RBFOX1: variants seen among roughly 807,000 people sequenced by gnomAD.
RBFOX1 encodes the protein RNA binding protein fox-1 homolog 1.
RBFOX1 carries 8 observed loss-of-function variants against 57.7 expected under a neutral mutation model. The ratio of observed to expected loss-of-function variants is 0.14; its 90% confidence interval spans 0.08 to 0.25. The LOEUF is 0.25. Among genes scored for constraint, RBFOX1 ranks in the 10% least tolerant of loss-of-function variants. The probability of loss-of-function intolerance (pLI) is 1.00; values close to 1 mark genes in which losing one functional copy is unlikely to be tolerated. For missense variants in RBFOX1, 611 were observed against 548.5 expected, an observed-to-expected ratio of 1.11 and a Z score of -1.14; for synonymous variants, 326 against 222.4, an observed-to-expected ratio of 1.47 and a Z score of -4.15.
At chr16:6,953,012 T>A (rs1325847663) in intron 3 of RBFOX1, among the ~76,000 whole-genome samples, 1 of 152,102 alleles carries the variant, frequency 6.6e-6, no homozygotes, top group East Asian at 1.9e-4. Context: ...ACTATACATC[T>A]TTACCTCACC....
At chr16:5,921,793 T>C (rs1001925765) in intron 4 of RBFOX1, among the ~76,000 whole-genome samples, 1 of 151,870 alleles carries the variant, frequency 6.6e-6, no homozygotes, top group Non-Finnish European at 1.5e-5. Flanking sequence ...GGAGAGCAGG[T>C]GCATGACATG....
At chr16:6,361,628 T>TTAAAAAAAAAAAAAAAAAAAAAAAA (rs1371587081) in intron 2 of RBFOX1, among the ~76,000 whole-genome samples, 2 of 127,952 alleles carry the variant, frequency 1.6e-5, no homozygotes, top group African/African-American at 5.8e-5. Context: ...ACTCTGTCTC[T>TTAAAAAAAAAAAAAAAAAAAAAAAA]AAAAAAAAAA....
At chr16:6,722,811 A>G (rs2066291628) in intron 3 of RBFOX1, among the ~76,000 whole-genome samples, 1 of 152,176 alleles carries the variant, frequency 6.6e-6, no homozygotes, top group South Asian at 2.1e-4. Flanking sequence ...CAGCGGCCAG[A>G]TGGGTACATT....
intron 3 of RBFOX1, among the ~76,000 whole-genome samples, chr16:5,681,199 G>A (rs1157769122): frequency 2.7e-5 from 4 of 150,920 alleles, no homozygotes; most frequent in East Asian, 2.0e-4. Flanking sequence ...TCAGCCTCCC[G>A]AGTAGCTGGG....
intron 4 of RBFOX1, among the ~76,000 whole-genome samples, chr16:7,298,285 G>GT (rs201092743): frequency 0.18 from 17,309 of 96,664 alleles, 1,969 homozygotes; most frequent in African/African-American, 0.27. Context: ...GTTTTTTTTT[G>GT]TTTTTTTTTT....
chr16:7,549,934 C>G (rs1289998021), intron 5 of RBFOX1, among the ~76,000 whole-genome samples: 1 of 151,520 alleles, frequency 6.6e-6, no homozygotes, highest in African/African-American at 2.4e-5. Flanking sequence ...TTTTCTTTTT[C>G]TTTTATTTTT....
intron 1 of RBFOX1, among the ~76,000 whole-genome samples, chr16:6,098,215 C>T (rs1346741150): frequency 1.3e-5 from 2 of 152,190 alleles, no homozygotes; most frequent in Admixed American, 6.5e-5. Context: ...GTGTGACAGG[C>T]ACTGGTACCT....
intron 4 of RBFOX1, among the ~76,000 whole-genome samples, chr16:7,156,208 C>G (rs761745578): frequency 6.7e-6 from 1 of 150,090 alleles, no homozygotes; most frequent in Non-Finnish European, 1.5e-5. Flanking sequence ...AGACTTGCTA[C>G]TCTGGAAGTC....
At chr16:7,645,036 T>C (rs763301740) in intron 11 of RBFOX1, among the ~76,000 whole-genome samples, 3 of 152,172 alleles carry the variant, frequency 2.0e-5, no homozygotes, top group Non-Finnish European at 2.9e-5. Flanking sequence ...CTAGCTGAAG[T>C]CGAGATTTAG....
chr16:7,681,096 T>C (rs907125986), intron 14 of RBFOX1, among the ~76,000 whole-genome samples: 1 of 152,204 alleles, frequency 6.6e-6, no homozygotes, highest in Non-Finnish European at 1.5e-5. Context: ...AGATTTGTGT[T>C]TCTTAGAACC....
intron 2 of RBFOX1, among the ~76,000 whole-genome samples, chr16:6,480,447 A>AAT: frequency 6.6e-6 from 1 of 152,232 alleles, no homozygotes; most frequent in Non-Finnish European, 1.5e-5. Context: ...AACCTCATTC[A>AAT]TGGATGCTGA....
At chr16:5,712,082 A>G (rs1432300743) in intron 3 of RBFOX1, among the ~76,000 whole-genome samples, 1 of 152,196 alleles carries the variant, frequency 6.6e-6, no homozygotes, top group Non-Finnish European at 1.5e-5. Flanking sequence ...CAAGAGAGAG[A>G]AGTGAAGGGG....
At chr16:5,533,665 A>G (rs1003963480) in intron 2 of RBFOX1, among the ~76,000 whole-genome samples, 1 of 152,170 alleles carries the variant, frequency 6.6e-6, no homozygotes, top group African/African-American at 2.4e-5. Flanking sequence ...CTGGGTTCTC[A>G]AGGATCCTAA....
At chr16:6,966,771 C>A (rs571015491) in intron 3 of RBFOX1, among the ~76,000 whole-genome samples, 1,108 of 20,594 alleles carry the variant, frequency 0.054, 17 homozygotes, top group African/African-American at 0.14. Context: ...GTCTATCTAT[C>A]TATCTATCTA....
At chr16:6,085,920 G>A (rs547331086) in intron 1 of RBFOX1, among the ~76,000 whole-genome samples, 5 of 152,042 alleles carry the variant, frequency 3.3e-5, no homozygotes, top group Middle Eastern at 3.4e-3. Flanking sequence ...CTATTAACCC[G>A]TCACCTAGGC....
At chr16:6,367,176 A>C (rs2795554) in intron 2 of RBFOX1, among the ~76,000 whole-genome samples, 2 of 152,168 alleles carry the variant, frequency 1.3e-5, no homozygotes, top group Admixed American at 1.3e-4. Flanking sequence ...CACGTGGAAC[A>C]CATACACAGG....
intron 1 of RBFOX1, among the ~76,000 whole-genome samples, chr16:6,227,851 T>C (rs972775318): frequency 3.9e-5 from 6 of 152,190 alleles, no homozygotes; most frequent in Admixed American, 3.9e-4. Context: ...ACTTCTTATT[T>C]TAACAAAAGG....
chr16:5,440,194 C>T (rs990878825), intron 1 of RBFOX1, among the ~76,000 whole-genome samples: 4 of 152,110 alleles, frequency 2.6e-5, no homozygotes, highest in Non-Finnish European at 2.9e-5. Flanking sequence ...CTATTCACAC[C>T]GCCATAACAT....
intron 1 of RBFOX1, among the ~76,000 whole-genome samples, chr16:5,371,962 C>T (rs1042967549): frequency 2.0e-5 from 3 of 152,114 alleles, no homozygotes; most frequent in Non-Finnish European, 2.9e-5. Flanking sequence ...TTTCATGCCG[C>T]GTTTTAATGG....
Sources: allele counts gnomAD v4.1 joint callset (sites outside exome capture counted in the v4.1 genomes callset), GRCh38; gene constraint gnomAD v4.1.1; transcripts MANE v1.5; gene names NCBI Gene and HGNC (gene_info 2026-07-23, HGNC 2026-07-21).